Variants in PCDHA6 observed in about 807,000 individuals in gnomAD.
The protein encoded by PCDHA6 is protocadherin alpha 6.
Under a neutral mutation model 60.3 loss-of-function variants are expected in PCDHA6, and 55 were observed. The observed-to-expected ratio is 0.91, with a 90% CI of 0.73 to 1.14. The LOEUF is 1.14. Among genes scored for constraint, PCDHA6 ranks in the 50% most tolerant of loss-of-function variants. The pLI is 0.00. For synonymous variants in PCDHA6, 652 were observed against 557.9 expected, an observed-to-expected ratio of 1.17 and a Z score of -2.38; for missense variants, 1,327 against 1,256.5, an observed-to-expected ratio of 1.06 and a Z score of -0.85.
At chr5:140,951,523 G>A (rs868992487) in intron 1 of PCDHA6, among the ~76,000 whole-genome samples, 1 of 151,994 alleles carries the variant, frequency 6.6e-6, no homozygotes, top group Non-Finnish European at 1.5e-5. Context: ...ATCTTACATG[G>A]CCGGTGCAGG....
At chr5:140,967,025 C>G (rs2153750258) in intron 1 of PCDHA6, 1 of 1,608,362 alleles carries the variant, frequency 6.2e-7, no homozygotes, top group Middle Eastern at 1.7e-4. Flanking sequence ...TGCGCCCAGT[C>G]CGCGCTACCT....
chr5:140,828,586 T>A lies in PCDHA6; in HGVS notation c.495T>A (p.Asn165Lys), dbSNP rs1769839887. The A allele has an allele frequency of 6.2e-7, 1 of 1,614,124 alleles. No individual in the cohort carries two copies. Among genetic ancestry groups the A allele is most frequent in the African/African-American group, 1.3e-5 (1 of 74,938 alleles). Reference protein sequence around the residue: ...EGASDADVGSNSILTYKLSSS... With the variant: ...EGASDADVGSKSILTYKLSSS... Reference sequence around the variant, plus strand: ...CGTCCGATGCAGATGTTGGCTCAAATTCCATCTTAACCTATAAACTCAGTT... The same window carrying A: ...CGTCCGATGCAGATGTTGGCTCAAAATCCATCTTAACCTATAAACTCAGTT... The change falls in exon 1 of 4, where the codon AAT (asparagine) becomes AAA (lysine). Residue 165 changes from asparagine (N) to lysine (K), a missense_variant. By Grantham distance (94) the Asn-to-Lys change is moderately conservative. Transcript: ENST00000529310.
chr5:140,883,119 C>T, intron 1 of PCDHA6: 1 of 1,613,998 alleles, frequency 6.2e-7, no homozygotes, highest in Non-Finnish European at 8.5e-7. Context: ...TTTAGAAGGC[C>T]TGTATGGCCT....
rs1334280981 is a variant in PCDHA6, at chr5:140,848,756, T to C, written c.2394+18271T>C. On this transcript the variant is annotated intron_variant, in intron 1 of 3. Coordinates refer to ENST00000529310, the MANE Select transcript of PCDHA6 (RefSeq NM_018909.4). ...TGCAGAATGGCATTTTGTTTGTGAATTCTCGGATCGACCGCGAGGAGCTGT... is the reference window on the plus strand; with the variant it reads ...TGCAGAATGGCATTTTGTTTGTGAACTCTCGGATCGACCGCGAGGAGCTGT... 2 of 1,593,258 alleles carry C rather than the reference T, an allele frequency of 1.3e-6. 1 individual carries two copies. Among genetic ancestry groups the C allele is most frequent in the Non-Finnish European group, 1.7e-6 (2 of 1,164,046 alleles).
At chr5:140,884,523 A>T (rs1393275293) in intron 1 of PCDHA6, 1 of 1,614,030 alleles carries the variant, frequency 6.2e-7, no homozygotes, top group Non-Finnish European at 8.5e-7. Flanking sequence ...TCGTACTCGC[A>T]GCAGAGGCGG....
At chr5:140,927,764 G>T (rs2084612834) in intron 1 of PCDHA6, 1 of 1,614,092 alleles carries the variant, frequency 6.2e-7, no homozygotes. Flanking sequence ...CCTAAAAGTG[G>T]GGAGGTGCAA....
intron 3 of PCDHA6, among the ~76,000 whole-genome samples, chr5:141,009,035 G>A (rs1455230382): frequency 2.6e-5 from 4 of 152,106 alleles, no homozygotes; most frequent in Non-Finnish European, 2.9e-5. Flanking sequence ...TTCCCATCCC[G>A]TTCCCAGTCA....
chr5:140,977,925 A>T (rs782072280), intron 1 of PCDHA6, among the ~76,000 whole-genome samples: 4 of 152,152 alleles, frequency 2.6e-5, no homozygotes, highest in African/African-American at 7.2e-5. Context: ...TTTTCATTCA[A>T]CTATACCTCA....
At chr5:140,922,181 A>G (rs2080696715) in intron 1 of PCDHA6, among the ~76,000 whole-genome samples, 1 of 152,324 alleles carries the variant, frequency 6.6e-6, no homozygotes, top group South Asian at 2.1e-4. Context: ...GCAGACAAAA[A>G]AAAAGTCTTA....
intron 3 of PCDHA6, among the ~76,000 whole-genome samples, chr5:140,990,479 G>A (rs1227837227): frequency 3.3e-5 from 5 of 152,184 alleles, no homozygotes; most frequent in Non-Finnish European, 5.9e-5. Context: ...GTATCAAGCT[G>A]AATAGTGAGG....
intron 1 of PCDHA6, chr5:140,836,293 T>C (rs2150257030): frequency 1.2e-6 from 2 of 1,613,634 alleles, no homozygotes; most frequent in African/African-American, 2.7e-5. Flanking sequence ...ACACGAGCCC[T>C]AGATGAGACG....
At chr5:140,862,415 G>A (rs1382532896) in intron 1 of PCDHA6, 6 of 348,784 alleles carry the variant, frequency 1.7e-5, no homozygotes, top group Non-Finnish European at 2.8e-5. Context: ...TTCAAAAGGC[G>A]CTGCCCAGAA....
In PCDHA6 at chr5:140,957,188, C is replaced by T. The variant is rs374236292; in HGVS notation, c.2395-21761C>T. On this transcript the variant is annotated intron_variant, in intron 1 of 3. Transcript: ENST00000529310. ...GTATATAAATTGGTTTATTGATGAC[C>T]GATTGGGAATATAAATAGGCACAAA... is the stretch of plus-strand genomic sequence containing the variant. 2.1e-3 allele frequency among the ~76,000 whole-genome samples: 315 copies of T among 151,992 alleles called. 3 individuals carry two copies. The highest frequency in any genetic ancestry group is 7.3e-3 in the African/African-American group (304 of 41,464).
At chr5:140,843,473 T>A (rs2150360834) in intron 1 of PCDHA6, 2 of 1,595,974 alleles carry the variant, frequency 1.3e-6, no homozygotes, top group Non-Finnish European at 1.7e-6. Flanking sequence ...GCTGCTGCTG[T>A]ACACTGCGCT....
intron 3 of PCDHA6, among the ~76,000 whole-genome samples, chr5:141,008,840 T>C (rs2098392722): frequency 6.6e-6 from 1 of 152,188 alleles, no homozygotes; most frequent in African/African-American, 2.4e-5. Context: ...CCTCTTACGC[T>C]GTGTATTCCC....
At chr5:140,955,669 G>C (rs1031483633) in intron 1 of PCDHA6, among the ~76,000 whole-genome samples, 2 of 152,094 alleles carry the variant, frequency 1.3e-5, no homozygotes, top group African/African-American at 4.8e-5. Flanking sequence ...TTTTAACATA[G>C]TTTTTTCGAA....
intron 1 of PCDHA6, chr5:140,851,052 C>A (rs571650734): frequency 1.4e-6 from 2 of 1,383,936 alleles, no homozygotes; most frequent in Admixed American, 2.8e-5. Context: ...CCGACTTTGT[C>A]TTGACTTCTA....
At chr5:140,931,793 A>C (rs979670484) in intron 1 of PCDHA6, among the ~76,000 whole-genome samples, 33 of 151,972 alleles carry the variant, frequency 2.2e-4, no homozygotes, top group African/African-American at 7.7e-4. Context: ...TATTGATCTG[A>C]TCTTAATTCT....
chr5:140,850,537 G>T (rs115218749), intron 1 of PCDHA6: 1 of 1,598,212 alleles, frequency 6.3e-7, no homozygotes, highest in Non-Finnish European at 8.6e-7. Context: ...TCATCGTCGC[G>T]GGCGTCAGTG....
Sources: gnomAD v4.1 joint callset for allele counts (sites outside exome capture counted in the v4.1 genomes callset) on GRCh38, gnomAD v4.1.1 for gene constraint, MANE v1.5 for transcripts, NCBI Gene and HGNC (gene_info 2026-07-23, HGNC 2026-07-21) for gene names.